Variants in SEMA6B observed in about 807,000 individuals in gnomAD.
The protein encoded by SEMA6B is semaphorin-6B.
A neutral mutation model predicts 78.6 loss-of-function variants in SEMA6B; 47 were observed. That is an observed-to-expected ratio of 0.60 (90% CI 0.47 to 0.76). The LOEUF is 0.76. SEMA6B is among the 30% of genes least tolerant of loss of function. The pLI, the probability that SEMA6B is intolerant of heterozygous loss-of-function variation, is 0.00. For missense variants in SEMA6B, 1,213 were observed against 1,269.9 expected, an observed-to-expected ratio of 0.96 and a Z score of 0.68; for synonymous variants, 632 against 592.2, an observed-to-expected ratio of 1.07 and a Z score of -0.98.
At position 4,543,875 on chromosome 19, in the gene SEMA6B, C is replaced by T. The variant is rs1045115813; in HGVS notation, c.2393G>A (p.Arg798Gln). 5 of 1,205,962 alleles carry T rather than the reference C, an allele frequency of 4.1e-6. No individual in the cohort carries two copies. The highest frequency in any genetic ancestry group is 5.1e-6 in the Non-Finnish European group (5 of 971,658). 74.7% of individuals were successfully genotyped at this position (1,205,962 alleles called of 1,614,324 possible). ...PLTPHASPDR[R>Q]RVVSAPTGPL... ...GCCCGTGGGCGCGGACACCACCCGC[C>T]GGCGGTCCGGGCTGGCGTGGGGGGT... Residue 798 changes from arginine to glutamine, a missense_variant, in exon 17 of 17, where the codon CGG (arginine) becomes CAG (glutamine). Coordinates refer to ENST00000586582, the MANE Select transcript of SEMA6B (RefSeq NM_032108.4).
intron 16 of SEMA6B, among the ~76,000 whole-genome samples, chr19:4,545,445 C>T (rs2145344276): frequency 6.6e-6 from 1 of 152,266 alleles, no homozygotes; most frequent in East Asian, 1.9e-4. Context: ...TCAAGCGATC[C>T]TCCCGCCTCA....
In SEMA6B at chr19:4,543,531, G is replaced by A. The variant is rs1358087349; in HGVS notation, c.*70C>T. ...CCACTCGGAGTTGCCCCGGGCCCCG[G>A]CGTTCTGGCACCGTCTCTCGCTCCT... is the stretch of plus-strand genomic sequence containing the variant. On this transcript the variant is annotated 3_prime_UTR_variant, in exon 17 of 17. Transcript: ENST00000586582. The A allele has an allele frequency of 4.7e-6, 4 of 849,404 alleles. No homozygotes were observed. The highest frequency in any genetic ancestry group is 1.2e-4 in the South Asian group (2 of 16,826). The allele number at this position is 849,404 out of a possible 1,614,324, so 52.6% of individuals were successfully genotyped here.
intron 12 of SEMA6B, among the ~76,000 whole-genome samples, chr19:4,548,840 G>C (rs1977242835): frequency 6.6e-6 from 1 of 152,014 alleles, no homozygotes; most frequent in Admixed American, 6.6e-5. Flanking sequence ...GCAAGTTTAT[G>C]TTTTGTTTTT....
intron 1 of SEMA6B, among the ~76,000 whole-genome samples, chr19:4,559,201 A>T (rs1024769463): frequency 1.3e-5 from 2 of 151,932 alleles, no homozygotes; most frequent in African/African-American, 4.8e-5. Context: ...CCAAAAAAAA[A>T]AAAAAAAAGC....
intron 9 of SEMA6B, among the ~76,000 whole-genome samples, chr19:4,553,545 T>C (rs1163462825): frequency 6.9e-6 from 1 of 144,952 alleles, no homozygotes; most frequent in African/African-American, 2.6e-5. Context: ...GGTGGGTGCA[T>C]AGATGATGAG....
At position 4,544,556 on chromosome 19, in the gene SEMA6B, T is replaced by A; in HGVS notation, c.1739-27A>T. On this transcript the variant is annotated intron_variant, in intron 16 of 16. Coordinates refer to ENST00000586582, the MANE Select transcript of SEMA6B (RefSeq NM_032108.4). This position sits in a 1 kb window ranked among gnomAD's most constrained non-coding sequence, Gnocchi z 5.1. ...TGGCCGGGGAGCACAGGGGGGTTAG[T>A]GGGGCCGGCGGGGTGGCCCTGGGCA... 7.0e-7 allele frequency: 1 copy of A among 1,435,268 alleles called. No homozygotes were observed. Among genetic ancestry groups the A allele is most frequent in the East Asian group, 2.9e-5 (1 of 34,748 alleles). The allele number at this position is 1,435,268 out of a possible 1,614,324, so 88.9% of individuals were successfully genotyped here.
chr19:4,544,094 G>A lies in SEMA6B; in HGVS notation c.2174C>T (p.Pro725Leu), dbSNP rs1336346566. ...GCGGGGGCCCAGGGCGTGGGGGTGC[G>A]GGTGCGGAGTGGGCAGGCGCTTCTG... is the stretch of plus-strand genomic sequence containing the variant. ...LPQKRLPTPH[P>L]HPHALGPRAW... The change falls in exon 17 of 17, where the codon CCG becomes CTG. Residue 725 changes from proline to leucine, a missense_variant. By Grantham distance (98) the Pro-to-Leu change is moderately conservative. Coordinates refer to ENST00000586582, the MANE Select transcript of SEMA6B (RefSeq NM_032108.4). This position sits in a 1 kb window ranked among gnomAD's most constrained non-coding sequence, Gnocchi z 5.1. 9 of 1,258,878 alleles carry A rather than the reference G, an allele frequency of 7.1e-6. No homozygotes were observed. The highest frequency in any genetic ancestry group is 3.3e-5 in the East Asian group (1 of 30,506). 78.0% of individuals were successfully genotyped at this position (1,258,878 alleles called of 1,614,324 possible). A position where few individuals can be genotyped will look rare whatever the true frequency, so the allele number is the denominator to read the frequency against.
At position 4,556,940 on chromosome 19, in the gene SEMA6B, G is replaced by A. The variant is rs762815190; in HGVS notation, c.369+11C>T. 4 of 1,611,712 alleles carry A rather than the reference G, an allele frequency of 2.5e-6. No individual in the cohort carries two copies. The highest frequency in any genetic ancestry group is 8.5e-7 in the Non-Finnish European group (1 of 1,178,824). ...TTCGCAGGGGCCGGGACCGAGCCAG[G>A]GCCAACTCACCTCCTGTTTGCCCTT... On this transcript the variant is annotated intron_variant, in intron 5 of 16. Transcript: ENST00000586582.
chr19:4,547,791 G>A (rs1211263776), intron 14 of SEMA6B, among the ~76,000 whole-genome samples: 5 of 148,052 alleles, frequency 3.4e-5, no homozygotes, highest in African/African-American at 1.2e-4. Flanking sequence ...TCCCCTCCCC[G>A]TCCTCCCCTC....
At chr19:4,557,066 G>C (rs1977492802) in intron 4 of SEMA6B, 53 bp from the exon 5 acceptor site, 2 of 1,596,178 alleles carry the variant, frequency 1.3e-6, no homozygotes, top group Admixed American at 3.4e-5. Flanking sequence ...AGCCCTGAGT[G>C]ACCCCGCCGT....
Position 4,542,685 on chromosome 19 carries a change from G to A in SEMA6B, c.*916C>T. The A allele has an allele frequency of 4.6e-6, 3 of 647,448 alleles. No individual in the cohort carries two copies. The highest frequency in any genetic ancestry group is 8.5e-6 in the Non-Finnish European group (3 of 352,462). 40.1% of individuals were successfully genotyped at this position (647,448 alleles called of 1,614,324 possible). ...ACCCAGCCAGCCACGTGGCATGCAT[G>A]GTCAGCTGGAGGTCAGAGGGGGGAG... On this transcript the variant is annotated 3_prime_UTR_variant, in exon 17 of 17. Coordinates refer to ENST00000586582, the MANE Select transcript of SEMA6B (RefSeq NM_032108.4).
intron 14 of SEMA6B, among the ~76,000 whole-genome samples, 154 bp from the exon 15 acceptor site, chr19:4,546,623 T>C (rs1231242474): frequency 6.6e-6 from 1 of 152,124 alleles, no homozygotes; most frequent in Non-Finnish European, 1.5e-5. Flanking sequence ...TCTTGTTGTT[T>C]ATTTATTTAG....
chr19:4,542,901 G>A lies in SEMA6B; in HGVS notation c.*700C>T. The A allele has an allele frequency of 1.4e-6, 1 of 699,350 alleles. No individual in the cohort carries two copies. The highest frequency in any genetic ancestry group is 2.7e-5 in the East Asian group (1 of 37,256). The allele number at this position is 699,350 out of a possible 1,614,324, so 43.3% of individuals were successfully genotyped here. ...GGCATTGTCCCCGCTTCCCTCTGCA[G>A]AGTGGGGGGGGTTCAAACTCCTAAC... On this transcript the variant is annotated 3_prime_UTR_variant, in exon 17 of 17. Transcript: ENST00000586582.
At chr19:4,557,936 C>A (rs1243561304) in intron 3 of SEMA6B, 90 bp downstream of exon 3, 20 of 1,152,108 alleles carry the variant, frequency 1.7e-5, no homozygotes, top group African/African-American at 3.2e-5. Context: ...GCACGACCTG[C>A]TCCATCCCCT....
At position 4,542,622 on chromosome 19, in the gene SEMA6B, A is replaced by AG; in HGVS notation, c.*978dup. The AG allele has an allele frequency of 3.8e-6, 2 of 524,624 alleles. No individual in the cohort carries two copies. Among genetic ancestry groups the AG allele is most frequent in the South Asian group, 3.9e-5 (2 of 51,548 alleles). The allele number at this position is 524,624 out of a possible 1,614,324, so 32.5% of individuals were successfully genotyped here. A position where few individuals can be genotyped will look rare whatever the true frequency, so the allele number is the denominator to read the frequency against. On this transcript the variant is annotated 3_prime_UTR_variant, in exon 17 of 17. Coordinates refer to ENST00000586582, the MANE Select transcript of SEMA6B (RefSeq NM_032108.4). ...TGTAAACAGAGTTTTATTGATGGGG[A>AG]GGGGGCTGGGGGAGGCAAACTCCAG...
At position 4,543,185 on chromosome 19, in the gene SEMA6B, G is replaced by A. The variant is rs1977064678; in HGVS notation, c.*416C>T. ...CCTGGGTTGGGGAGGGACCTTTCCA[G>A]GGGTGGGGGAGGGCTTAGGTCTGCA... On this transcript the variant is annotated 3_prime_UTR_variant, in exon 17 of 17. Coordinates refer to ENST00000586582, the MANE Select transcript of SEMA6B (RefSeq NM_032108.4). The A allele has an allele frequency of 1.7e-6, 1 of 592,598 alleles. No individual in the cohort carries two copies. Among genetic ancestry groups the A allele is most frequent in the African/African-American group, 1.9e-5 (1 of 53,576 alleles). The allele number at this position is 592,598 out of a possible 1,614,324, so 36.7% of individuals were successfully genotyped here. A position where few individuals can be genotyped will look rare whatever the true frequency, so the allele number is the denominator to read the frequency against.
intron 12 of SEMA6B, among the ~76,000 whole-genome samples, chr19:4,549,362 C>T (rs1162146902): frequency 2.2e-5 from 3 of 133,870 alleles, no homozygotes; most frequent in African/African-American, 5.6e-5. Context: ...AGTGCAGTGG[C>T]GTGATCTCGG....
In SEMA6B at chr19:4,548,151, C is replaced by T. The variant is rs372011079; in HGVS notation, c.1477G>A (p.Glu493Lys). The T allele has an allele frequency of 3.0e-5, 48 of 1,591,220 alleles. No individual in the cohort carries two copies. The highest frequency in any genetic ancestry group is 1.3e-4 in the African/African-American group (10 of 74,702). ...AAGCTCAGCAGCCGCTGCCCTGTCT[C>T]GCCACCGCCGGGCCGTCCACACCTG... is the stretch of plus-strand genomic sequence containing the variant. ...PDRCGRPGGGETGQRLLSLEL... is the reference protein window; with the variant it reads ...PDRCGRPGGGKTGQRLLSLEL... The change falls in exon 14 of 17, where the codon GAG becomes AAG. Residue 493 changes from glutamate (E) to lysine (K), a missense_variant. By Grantham distance (56) the Glu-to-Lys change is moderately conservative. Transcript: ENST00000586582.
Position 4,543,495 on chromosome 19 carries a change from G to C in SEMA6B, c.*106C>G. On this transcript the variant is annotated 3_prime_UTR_variant, in exon 17 of 17. Coordinates refer to ENST00000586582, the MANE Select transcript of SEMA6B (RefSeq NM_032108.4). ...CACTCCGCGGGTGGGTCGCGGGGGG[G>C]ACTTGAGCACCCACTCGGAGTTGCC... 2.1e-6 allele frequency: 1 copy of C among 473,052 alleles called. No individual in the cohort carries two copies. 29.3% of individuals were successfully genotyped at this position (473,052 alleles called of 1,614,324 possible). A position where few individuals can be genotyped will look rare whatever the true frequency, so the allele number is the denominator to read the frequency against.
Sources: gnomAD v4.1 joint callset for allele counts (sites outside exome capture counted in the v4.1 genomes callset) on GRCh38, gnomAD v4.1.1 for gene constraint, Gnocchi (gnomAD v3.1) non-coding constraint, MANE v1.5 for transcripts, NCBI Gene and HGNC (gene_info 2026-07-23, HGNC 2026-07-21) for gene names.